GXYLT2: variants seen among roughly 807,000 people sequenced by gnomAD.
The protein encoded by GXYLT2 is glucoside xylosyltransferase 2.
Under a neutral mutation model 45.8 loss-of-function variants are expected in GXYLT2, and 53 were observed. The observed-to-expected ratio is 1.16, with a 90% confidence interval of 0.93 to 1.46. GXYLT2 has a LOEUF of 1.46. Ranked by LOEUF, GXYLT2 falls within the 40% of genes most tolerant of loss-of-function variation. The pLI, the probability that GXYLT2 is intolerant of heterozygous loss-of-function variation, is 0.00. For synonymous variants in GXYLT2, 219 were observed against 214.2 expected (o/e 1.02, Z -0.19); for missense variants, 551 against 544.4 (o/e 1.01, Z -0.12).
intron 2 of GXYLT2, among the ~76,000 whole-genome samples, chr3:72,918,863 A>G (rs1012582631): frequency 1.3e-5 from 2 of 152,098 alleles, no homozygotes; most frequent in African/African-American, 4.8e-5. Context: ...ACAGATGGCA[A>G]ACAAGCATAT....
chr3:72,912,005 A>ATTTTTTT (rs1264223820), intron 2 of GXYLT2, among the ~76,000 whole-genome samples: 1 of 126,510 alleles, frequency 7.9e-6, no homozygotes, highest in African/African-American at 3.9e-5. Context: ...ATATATATAT[A>ATTTTTTT]TATATATATT....
intron 3 of GXYLT2, among the ~76,000 whole-genome samples, chr3:72,923,986 A>G (rs1351549351): frequency 6.6e-6 from 1 of 152,034 alleles, no homozygotes; most frequent in African/African-American, 2.4e-5. Context: ...ACTAGGTGAC[A>G]AGGGCCTTGG....
intron 3 of GXYLT2, among the ~76,000 whole-genome samples, chr3:72,931,481 G>A (rs954118094): frequency 2.0e-5 from 3 of 151,826 alleles, no homozygotes; most frequent in South Asian, 2.1e-4. Context: ...CACCTGCCTC[G>A]GCCTCTCAAA....
chr3:72,909,333 G>A (rs1442746639), intron 2 of GXYLT2, among the ~76,000 whole-genome samples: 6 of 151,344 alleles, frequency 4.0e-5, no homozygotes, highest in African/African-American at 1.5e-4. Flanking sequence ...CCCTCCCAAA[G>A]TGCTGGGATT....
At chr3:72,923,333 T>A (rs911151775) in intron 3 of GXYLT2, among the ~76,000 whole-genome samples, 6 of 152,138 alleles carry the variant, frequency 3.9e-5, no homozygotes, top group African/African-American at 1.4e-4. Flanking sequence ...GAGGATCATC[T>A]GAGCTCAAGA....
Position 72,975,105 on chromosome 3 carries a change from A to G in GXYLT2, c.1278A>G (p.Lys426=). 3 of 1,613,910 alleles carry G rather than the reference A, an allele frequency of 1.9e-6. No homozygotes were observed. Among genetic ancestry groups the G allele is most frequent in the Non-Finnish European group, 2.5e-6 (3 of 1,179,844 alleles). The part of the protein sequence containing the change: ...VFLKQIEKTM[K]RAYEKHVIIH... ...TGAAGCAAATTGAGAAAACAATGAA[A>G]AGGGCTTATGAGAAACACGTCATCA... Residue 426 remains lysine, a synonymous_variant, in exon 7 of 7, where the codon AAA becomes AAG. Transcript: ENST00000389617.
intron 3 of GXYLT2, among the ~76,000 whole-genome samples, chr3:72,943,648 A>G (rs1710341921): frequency 6.6e-6 from 1 of 152,106 alleles, no homozygotes; most frequent in African/African-American, 2.4e-5. Flanking sequence ...AAGTGCTGGG[A>G]TTACAGGCGT....
At chr3:72,914,075 GT>G (rs948931122) in intron 2 of GXYLT2, among the ~76,000 whole-genome samples, 24 of 151,874 alleles carry the variant, frequency 1.6e-4, no homozygotes, top group Middle Eastern at 3.4e-3. Flanking sequence ...GCAACCCAGG[GT>G]TTTTTTTGGG....
intron 6 of GXYLT2, among the ~76,000 whole-genome samples, chr3:72,970,998 T>C (rs1326939071): frequency 6.6e-6 from 1 of 152,256 alleles, no homozygotes; most frequent in East Asian, 1.9e-4. Context: ...AGAAAATTTG[T>C]TCTGTGCTTA....
intron 3 of GXYLT2, among the ~76,000 whole-genome samples, chr3:72,930,185 A>AC (rs398106026): frequency 6.7e-6 from 1 of 150,062 alleles, no homozygotes. Context: ...AAAAAAAAAA[A>AC]CAGAGTTGCA....
At chr3:72,937,070 A>T (rs1448203917) in intron 3 of GXYLT2, among the ~76,000 whole-genome samples, 2 of 152,192 alleles carry the variant, frequency 1.3e-5, no homozygotes, top group Non-Finnish European at 2.9e-5. Flanking sequence ...TTCTTTTTCC[A>T]TATGTCTGCC....
intron 2 of GXYLT2, among the ~76,000 whole-genome samples, chr3:72,915,856 G>T (rs529867840): frequency 4.6e-5 from 7 of 151,732 alleles, no homozygotes; most frequent in Admixed American, 4.6e-4. Flanking sequence ...GAGAGATTGG[G>T]TTTCTCATTA....
chr3:72,888,417 G>T lies in GXYLT2; in HGVS notation c.184G>T (p.Gly62Trp). ...ARWPGPGALP[G>W]ASPGVRRRRP... ...CTGGCCGGGGCCGGGCGCCCTCCCC[G>T]GGGCCAGCCCGGGAGTTCGGAGGCG... The change falls in exon 1 of 7, where the codon GGG becomes TGG. Residue 62 changes from glycine (G) to tryptophan (W), a missense_variant. Gly to Trp is a radical substitution (Grantham distance 184, BLOSUM62 -2). Coordinates refer to ENST00000389617, the MANE Select transcript of GXYLT2 (RefSeq NM_001080393.2). 1 of 1,058,220 alleles carries T rather than the reference G, an allele frequency of 9.4e-7. No individual in the cohort carries two copies. The highest frequency in any genetic ancestry group is 1.1e-6 in the Non-Finnish European group (1 of 879,170). 65.6% of individuals were successfully genotyped at this position (1,058,220 alleles called of 1,614,324 possible).
intron 3 of GXYLT2, among the ~76,000 whole-genome samples, chr3:72,941,787 A>G (rs575719078): frequency 6.6e-6 from 1 of 152,278 alleles, no homozygotes; most frequent in African/African-American, 2.4e-5. Flanking sequence ...GAAAAAAAGG[A>G]AAAGATAAAA....
intron 6 of GXYLT2, among the ~76,000 whole-genome samples, chr3:72,973,729 G>C (rs1377592681): frequency 6.6e-6 from 1 of 152,134 alleles, no homozygotes; most frequent in Non-Finnish European, 1.5e-5. Context: ...TGGGGGGAAA[G>C]AGAGGAATTG....
chr3:72,969,946 G>C (rs971169087), intron 6 of GXYLT2, among the ~76,000 whole-genome samples: 2 of 147,454 alleles, frequency 1.4e-5, no homozygotes, highest in Non-Finnish European at 3.0e-5. Flanking sequence ...GCCCAGCACA[G>C]TGACTCATGC....
rs577576820 is a variant in GXYLT2 at position 72,913,391 on chromosome 3, A to G, written c.468+4832A>G. Among the ~76,000 whole-genome samples, 13 of 151,090 alleles carry G rather than the reference A, an allele frequency of 8.6e-5. No individual in the cohort carries two copies. The South Asian group carries it at 2.4e-3, about 27-fold the overall frequency. On this transcript the variant is annotated intron_variant, in intron 2 of 6. Coordinates refer to ENST00000389617, the MANE Select transcript of GXYLT2 (RefSeq NM_001080393.2). ...CTCATCTAATGAAGGAAATTATGAC[A>G]GGGTGTTAAAAACTAGGCAGGGGAT...
chr3:72,961,674 A>AAAAAG (rs1278781750), intron 5 of GXYLT2, among the ~76,000 whole-genome samples: 136 of 118,974 alleles, frequency 1.1e-3, no homozygotes, highest in South Asian at 2.1e-3. Flanking sequence ...AAAAAAAAAA[A>AAAAAG]AGAGAGAGAG....
chr3:72,959,030 C>T (rs1199145719), intron 5 of GXYLT2, among the ~76,000 whole-genome samples: 1 of 149,826 alleles, frequency 6.7e-6, no homozygotes, highest in Non-Finnish European at 1.5e-5. Context: ...GTAGCCTTGA[C>T]CTCCTGGGCT....
Sources: gnomAD v4.1 joint callset for allele counts (sites outside exome capture counted in the v4.1 genomes callset) on GRCh38, gnomAD v4.1.1 for gene constraint, MANE v1.5 for transcripts, NCBI Gene and HGNC (gene_info 2026-07-23, HGNC 2026-07-21) for gene names.